SETX: variants seen among roughly 807,000 people sequenced by gnomAD.
SETX encodes the protein senataxin, also known as helicase senataxin.
Under a neutral mutation model 227.2 loss-of-function variants are expected in SETX, and 90 were observed. That is an observed-to-expected ratio of 0.40 (90% CI 0.33 to 0.47). The LOEUF is 0.47. Ranked by LOEUF, SETX falls within the 20% of genes least tolerant of loss-of-function variation. The pLI, the probability that SETX is intolerant of heterozygous loss-of-function variation, is 0.91. For missense variants in SETX, 3,052 were observed against 3,181.5 expected (o/e 0.96, Z 0.98); for synonymous variants, 1,210 against 1,113.2 (o/e 1.09, Z -1.73).
chr9:132,271,341 A>T (rs1477594270), intron 24 of SETX, among the ~76,000 whole-genome samples: 1 of 152,246 alleles, frequency 6.6e-6, no homozygotes, highest in Non-Finnish European at 1.5e-5. Context: ...AAGTGGGTGG[A>T]GCACTTGAGC....
Position 132,278,437 on chromosome 9 carries a change from C to CTT in SETX, c.6655-182_6655-181dup, listed in dbSNP as rs67558000. Among the ~76,000 whole-genome samples the CTT allele has an allele frequency of 9.0e-3, 763 of 84,818 alleles. 100 individuals carry two copies. Among genetic ancestry groups the CTT allele is most frequent in the Non-Finnish European group, 0.013 (529 of 40,150 alleles). The allele number at this position is 84,818 out of a possible 152,430, so 55.6% of individuals were successfully genotyped here. A position where few individuals can be genotyped will look rare whatever the true frequency, so the allele number is the denominator to read the frequency against. On this transcript the variant is annotated intron_variant, in intron 20 of 25. Coordinates refer to ENST00000224140, the MANE Select transcript of SETX (RefSeq NM_015046.7). ...CTCTGAGCCTCAAAATGCCATGAAT[C>CTT]TTTTTTTTTTTTTTTTTTTTTTTTT...
At chr9:132,342,916 A>C in intron 4 of SETX, 117 bp from the exon 5 acceptor site, 1 of 765,720 alleles carries the variant, frequency 1.3e-6, no homozygotes, top group Non-Finnish European at 2.2e-6. Flanking sequence ...ATTTTTCCAA[A>C]TTGAGGCATA....
At chr9:132,292,585 T>C (rs952006101) in intron 15 of SETX, among the ~76,000 whole-genome samples, 1 of 150,994 alleles carries the variant, frequency 6.6e-6, no homozygotes, top group African/African-American at 2.4e-5. Context: ...AGCTGTCTTA[T>C]ACAAAACATT....
At chr9:132,303,184 A>AT (rs955997032) in intron 11 of SETX, among the ~76,000 whole-genome samples, 56 of 147,470 alleles carry the variant, frequency 3.8e-4, no homozygotes, top group African/African-American at 9.9e-4. Flanking sequence ...TGCTCAGCTA[A>AT]TTTTTTTTTT....
intron 19 of SETX, chr9:132,282,715 A>T (rs1448740633): frequency 6.2e-6 from 1 of 161,612 alleles, no homozygotes; most frequent in Non-Finnish European, 1.4e-5. Context: ...AATTTCTCTT[A>T]AATTCAATGA....
chr9:132,325,165 G>A (rs1846637908), intron 10 of SETX, among the ~76,000 whole-genome samples: 1 of 151,972 alleles, frequency 6.6e-6, no homozygotes. Flanking sequence ...GACCATCCTG[G>A]CTAACATGGT....
chr9:132,287,564 T>G (rs1843985906), intron 17 of SETX, among the ~76,000 whole-genome samples: 3 of 152,222 alleles, frequency 2.0e-5, no homozygotes, highest in Admixed American at 2.0e-4. Flanking sequence ...CCACATCCAT[T>G]TGTTTATGTA....
At chr9:132,352,057 T>C (rs1241249691) in intron 2 of SETX, among the ~76,000 whole-genome samples, 1 of 152,224 alleles carries the variant, frequency 6.6e-6, no homozygotes. Flanking sequence ...CTCTTTCTTC[T>C]ACACTTCTCA....
intron 10 of SETX, among the ~76,000 whole-genome samples, chr9:132,313,872 A>G (rs778800635): frequency 7.9e-5 from 12 of 151,372 alleles, no homozygotes; most frequent in Admixed American, 1.3e-4. Flanking sequence ...TGAACATAAG[A>G]ACATTTAGAA....
At chr9:132,322,508 C>T in intron 10 of SETX, among the ~76,000 whole-genome samples, 1 of 152,188 alleles carries the variant, frequency 6.6e-6, no homozygotes, top group East Asian at 1.9e-4. Flanking sequence ...ACTTATTTCA[C>T]TTAGCACAAT....
chr9:132,335,669 A>G (rs1427006499), intron 6 of SETX, among the ~76,000 whole-genome samples: 1 of 152,022 alleles, frequency 6.6e-6, no homozygotes, highest in African/African-American at 2.4e-5. Flanking sequence ...TACACACTGA[A>G]AAAGGAGTAT....
At chr9:132,276,975 A>G in intron 22 of SETX, 85 bp downstream of exon 22, 1 of 1,172,600 alleles carries the variant, frequency 8.5e-7, no homozygotes, top group Non-Finnish European at 1.3e-6. Flanking sequence ...AGATGTGTAT[A>G]GGAAATGTAT....
chr9:132,327,470 T>TG lies in SETX; in HGVS notation c.4127dup (p.Gly1377ArgfsTer9), dbSNP rs1305813008. 6.2e-7 allele frequency: 1 copy of TG among 1,614,064 alleles called. No homozygotes were observed. The highest frequency in any genetic ancestry group is 8.5e-7 in the Non-Finnish European group (1 of 1,180,054). On this transcript the variant is annotated frameshift_variant, in exon 10 of 26. Coordinates refer to ENST00000224140, the MANE Select transcript of SETX (RefSeq NM_015046.7). LOFTEE classifies it high-confidence loss of function. Reference sequence around the variant, plus strand: ...CAGAATTCTGTGCTGTATGTGACCCTGCTCTTTTAACATCTGTACTTTCAC... The same window carrying TG: ...CAGAATTCTGTGCTGTATGTGACCCTGGCTCTTTTAACATCTGTACTTTCAC...
chr9:132,308,987 A>G (rs1845491865), intron 11 of SETX, among the ~76,000 whole-genome samples: 1 of 151,986 alleles, frequency 6.6e-6, no homozygotes, highest in Non-Finnish European at 1.5e-5. Flanking sequence ...AAAATACAAA[A>G]ATTTGCCAGG....
chr9:132,295,251 C>A (rs143769689), intron 15 of SETX, among the ~76,000 whole-genome samples: 1 of 152,188 alleles, frequency 6.6e-6, no homozygotes, highest in Non-Finnish European at 1.5e-5. Flanking sequence ...AGTTTCCCCA[C>A]CTATAAAATA....
At chr9:132,334,403 G>C (rs956822538) in intron 7 of SETX, among the ~76,000 whole-genome samples, 1 of 152,146 alleles carries the variant, frequency 6.6e-6, no homozygotes, top group Non-Finnish European at 1.5e-5. Flanking sequence ...AGCTGACATC[G>C]CACCATTGCA....
intron 2 of SETX, among the ~76,000 whole-genome samples, chr9:132,350,261 T>A (rs1249861464): frequency 6.6e-6 from 1 of 151,832 alleles, no homozygotes; most frequent in East Asian, 1.9e-4. Flanking sequence ...GAGGCAGGAG[T>A]ACTGCCTGAA....
At chr9:132,334,526 C>A in intron 7 of SETX, 82 bp downstream of exon 7, 1 of 1,467,232 alleles carries the variant, frequency 6.8e-7, no homozygotes, top group Non-Finnish European at 9.5e-7. Context: ...CAACATACAC[C>A]AATTCCTGCA....
chr9:132,266,388 T>C (rs1842653179), intron 25 of SETX: 1 of 152,276 alleles, frequency 6.6e-6, no homozygotes, highest in Non-Finnish European at 1.5e-5. Context: ...TTATAACCCT[T>C]AGACTTTTAG....
Sources: allele counts gnomAD v4.1 joint callset (sites outside exome capture counted in the v4.1 genomes callset), GRCh38; gene constraint gnomAD v4.1.1; transcripts MANE v1.5; gene names NCBI Gene and HGNC (gene_info 2026-07-23, HGNC 2026-07-21).